The following GNG7 variants were observed in gnomAD, a reference collection of about 807,000 sequenced individuals.
GNG7 encodes guanine nucleotide-binding protein G(I)/G(S)/G(O) subunit gamma-7.
A neutral mutation model predicts 4.0 loss-of-function variants in GNG7; 1 was observed. The ratio of observed to expected loss-of-function variants is 0.25; its 90% CI spans 0.09 to 1.18. The LOEUF is 1.18. GNG7 is among the 50% of genes most tolerant of loss of function. GNG7 has a pLI of 0.50. For synonymous variants in GNG7, 34 were observed against 36.9 expected (o/e 0.92, Z 0.29); for missense variants, 86 against 91.9 (o/e 0.94, Z 0.26).
At chr19:2,661,297 AG>A (rs1983157213) in intron 1 of GNG7, among the ~76,000 whole-genome samples, 4 of 41,676 alleles carry the variant, frequency 9.6e-5, no homozygotes, top group African/African-American at 3.2e-4. Context: ...AAAGAAAGAA[AG>A]AAAGAGAAAG....
At chr19:2,541,858 T>A (rs371128904) in intron 3 of GNG7, among the ~76,000 whole-genome samples, 5 of 151,968 alleles carry the variant, frequency 3.3e-5, no homozygotes, top group African/African-American at 9.7e-5. Flanking sequence ...GAGGTTGCAG[T>A]GAGCTAGGGT....
intron 1 of GNG7, chr19:2,700,560 C>T (rs1165798938): frequency 2.6e-5 from 4 of 152,318 alleles, no homozygotes; most frequent in African/African-American, 9.6e-5. Context: ...CCCAGTCATC[C>T]CACTCCTCCA....
chr19:2,675,487 C>T (rs749377675), intron 1 of GNG7, among the ~76,000 whole-genome samples: 1 of 151,998 alleles, frequency 6.6e-6, no homozygotes, highest in South Asian at 2.1e-4. Context: ...AAGCAGGGAG[C>T]GTTATTTAGC....
At chr19:2,515,483 A>G (rs1462618696) in intron 4 of GNG7, among the ~76,000 whole-genome samples, 2 of 151,434 alleles carry the variant, frequency 1.3e-5, no homozygotes, top group African/African-American at 2.4e-5. Context: ...GCTCTAGTGC[A>G]GTGGCACGAT....
intron 2 of GNG7, among the ~76,000 whole-genome samples, chr19:2,580,377 G>A (rs1045621536): frequency 8.5e-5 from 12 of 140,660 alleles, no homozygotes; most frequent in Admixed American, 4.5e-4. Context: ...TGCAACCTCC[G>A]CCTCCTGGTT....
At position 2,633,479 on chromosome 19, in the gene GNG7, GCGCGCGCGCACACACACA is replaced by G. The variant is rs1180665589; in HGVS notation, c.-78+12727_-78+12744del. Among the ~76,000 whole-genome samples, 105 of 73,370 alleles carry G rather than the reference GCGCGCGCGCACACACACA, an allele frequency of 1.4e-3. 1 individual carries two copies. Among genetic ancestry groups the G allele is most frequent in the African/African-American group, 4.9e-3 (94 of 18,998 alleles). The allele number at this position is 73,370 out of a possible 152,430, so 48.1% of individuals were successfully genotyped here. A position where few individuals can be genotyped will look rare whatever the true frequency, so the allele number is the denominator to read the frequency against. On this transcript the variant is annotated intron_variant, in intron 2 of 4. Transcript: ENST00000382159. This position sits in a 1 kb window ranked among gnomAD's most constrained non-coding sequence, Gnocchi z 5.9. Reference sequence around the variant, plus strand: ...CGGTTGCTTAGCAACAGGCGCGCGCGCGCGCGCGCACACACACACACACACACACACACACACACACAC... The same window carrying G: ...CGGTTGCTTAGCAACAGGCGCGCGCGCACACACACACACACACACACACAC...
At chr19:2,687,978 C>T (rs923118917) in intron 1 of GNG7, among the ~76,000 whole-genome samples, 3 of 151,506 alleles carry the variant, frequency 2.0e-5, no homozygotes, top group Non-Finnish European at 2.9e-5. Context: ...AATAGCCGGG[C>T]GCGGTGGCTC....
intron 3 of GNG7, among the ~76,000 whole-genome samples, chr19:2,540,714 C>T (rs1371525146): frequency 3.9e-5 from 6 of 152,204 alleles, no homozygotes; most frequent in Admixed American, 2.6e-4. Context: ...CGCCGGGCAG[C>T]GGGACAGACT....
At chr19:2,558,453 C>CA (rs1442546886) in intron 2 of GNG7, among the ~76,000 whole-genome samples, 1 of 152,048 alleles carries the variant, frequency 6.6e-6, no homozygotes, top group African/African-American at 2.4e-5. Flanking sequence ...AGGCTGGTCT[C>CA]AAACTCCTGG....
chr19:2,584,410 C>T (rs1043333519), intron 2 of GNG7, among the ~76,000 whole-genome samples: 1 of 151,432 alleles, frequency 6.6e-6, no homozygotes. Context: ...CATCACTGTA[C>T]TCCAGCCTAG....
Position 2,536,876 on chromosome 19 carries a change from C to T in GNG7, c.-37-16151G>A, listed in dbSNP as rs566757964. On this transcript the variant is annotated intron_variant, in intron 3 of 4. Coordinates refer to ENST00000382159, the MANE Select transcript of GNG7 (RefSeq NM_052847.3). ...GTACAGTCTGTGCTTCCTGGTCGGA[C>T]TCCATTTGTGTATGTGTATATTTTA... Among the ~76,000 whole-genome samples the T allele has an allele frequency of 3.9e-4, 60 of 151,948 alleles. No homozygotes were observed. In the South Asian group the frequency reaches 5.0e-3, roughly 13 times the overall value.
intron 1 of GNG7, among the ~76,000 whole-genome samples, chr19:2,687,781 C>T (rs943172278): frequency 3.3e-5 from 5 of 150,984 alleles, no homozygotes; most frequent in African/African-American, 1.2e-4. Flanking sequence ...CGAGACCAGC[C>T]TGGCCAACAC....
chr19:2,659,903 T>G (rs1451205495), intron 1 of GNG7, among the ~76,000 whole-genome samples: 1 of 151,998 alleles, frequency 6.6e-6, no homozygotes, highest in Non-Finnish European at 1.5e-5. Context: ...GAGAGAAGAC[T>G]GGTCAGTCTT....
At chr19:2,651,300 A>C (rs8112360) in intron 1 of GNG7, among the ~76,000 whole-genome samples, 2,912 of 17,362 alleles carry the variant, frequency 0.17, 123 homozygotes, top group Admixed American at 0.32. Context: ...CTCCCTCCCT[A>C]CCTTCCCTCC....
At chr19:2,524,965 G>A (rs2144731941) in intron 3 of GNG7, among the ~76,000 whole-genome samples, 1 of 152,090 alleles carries the variant, frequency 6.6e-6, no homozygotes, top group East Asian at 1.9e-4. Flanking sequence ...CCGAGACTCA[G>A]ACACAGATTG....
At chr19:2,697,794 C>CG (rs1913305884) in intron 1 of GNG7, among the ~76,000 whole-genome samples, 1 of 151,128 alleles carries the variant, frequency 6.6e-6, no homozygotes, top group South Asian at 2.1e-4. Context: ...CGTCCCCCCC[C>CG]CCGCCCGTCT....
chr19:2,586,984 C>CAAAAAAAA (rs756891397), intron 2 of GNG7, among the ~76,000 whole-genome samples: 2 of 48,724 alleles, frequency 4.1e-5, no homozygotes, highest in Non-Finnish European at 7.9e-5. Flanking sequence ...GACTCCATCT[C>CAAAAAAAA]AAAAAAAAAA....
At position 2,614,207 on chromosome 19, in the gene GNG7, T is replaced by A. The variant is rs1338068110; in HGVS notation, c.-78+32017A>T. Among the ~76,000 whole-genome samples the A allele has an allele frequency of 6.6e-6, 1 of 152,162 alleles. No individual in the cohort carries two copies. Among genetic ancestry groups the A allele is most frequent in the Non-Finnish European group, 1.5e-5 (1 of 68,018 alleles). On this transcript the variant is annotated intron_variant, in intron 2 of 4. Coordinates refer to ENST00000382159, the MANE Select transcript of GNG7 (RefSeq NM_052847.3). This position sits in a 1 kb window ranked among gnomAD's most constrained non-coding sequence, Gnocchi z 6.0. ...GAAGAGAGTTCCCCCAGCTACAGCC[T>A]GAGCATGGTCGCCAGAAAGCAGGTG...
At chr19:2,688,770 AT>A (rs1913063490) in intron 1 of GNG7, among the ~76,000 whole-genome samples, 1 of 152,106 alleles carries the variant, frequency 6.6e-6, no homozygotes, top group South Asian at 2.1e-4. Flanking sequence ...GTTGAGAGAA[AT>A]GAACCCATTG....
Sources: allele counts gnomAD v4.1 joint callset (sites outside exome capture counted in the v4.1 genomes callset), GRCh38; gene constraint gnomAD v4.1.1; non-coding constraint Gnocchi (gnomAD v3.1); transcripts MANE v1.5; gene names NCBI Gene and HGNC (gene_info 2026-07-23, HGNC 2026-07-21).